Variants in PCSK2 observed in about 807,000 individuals in gnomAD.
The protein encoded by PCSK2 is proprotein convertase subtilisin/kexin type 2, also known as neuroendocrine convertase 2.
PCSK2 carries 14 observed loss-of-function variants against 69.7 expected under a neutral mutation model. The ratio of observed to expected loss-of-function variants is 0.20; its 90% CI spans 0.13 to 0.31. The LOEUF is 0.31. Ranked by LOEUF, PCSK2 falls within the 10% of genes least tolerant of loss-of-function variation. The pLI, the probability that PCSK2 is intolerant of heterozygous loss-of-function variation, is 1.00. For synonymous variants in PCSK2, 307 were observed against 320.7 expected (o/e 0.96, Z 0.46); for missense variants, 544 against 842.5 (o/e 0.65, Z 4.39).
intron 2 of PCSK2, among the ~76,000 whole-genome samples, chr20:17,311,563 A>T (rs1288034945): frequency 1.3e-5 from 2 of 152,128 alleles, no homozygotes; most frequent in Non-Finnish European, 2.9e-5. Context: ...AACATGAAGA[A>T]GTTCTCAGCT....
At chr20:17,351,695 C>A (rs1285022964) in intron 2 of PCSK2, among the ~76,000 whole-genome samples, 1 of 151,954 alleles carries the variant, frequency 6.6e-6, no homozygotes, top group Admixed American at 6.6e-5. Context: ...AGAAACATAC[C>A]TCAAAATAAT....
chr20:17,456,748 T>A (rs777814389), intron 10 of PCSK2, among the ~76,000 whole-genome samples: 1 of 152,216 alleles, frequency 6.6e-6, no homozygotes, highest in East Asian at 1.9e-4. Context: ...TATTTCTTTC[T>A]TCATCAAATT....
chr20:17,466,363 T>TA (rs1300017522), intron 11 of PCSK2, among the ~76,000 whole-genome samples: 1 of 152,234 alleles, frequency 6.6e-6, no homozygotes, highest in Non-Finnish European at 1.5e-5. Context: ...AATGTGTACT[T>TA]ACAGCTTTTC....
At chr20:17,244,857 GC>G (rs1485366116) in intron 1 of PCSK2, among the ~76,000 whole-genome samples, 30 of 152,166 alleles carry the variant, frequency 2.0e-4, no homozygotes, top group Admixed American at 9.8e-4. Flanking sequence ...GTAAGCACTT[GC>G]TTTGAGGAGT....
intron 8 of PCSK2, among the ~76,000 whole-genome samples, chr20:17,452,389 G>C (rs899590397): frequency 6.6e-6 from 1 of 152,164 alleles, no homozygotes; most frequent in Non-Finnish European, 1.5e-5. Context: ...TTCACTTGTC[G>C]ATTCAATCAA....
chr20:17,415,232 A>T (rs1310045909), intron 6 of PCSK2, among the ~76,000 whole-genome samples: 1 of 152,244 alleles, frequency 6.6e-6, no homozygotes, highest in Non-Finnish European at 1.5e-5. Context: ...ATAGGAAAAA[A>T]GGAAGTCAAA....
At chr20:17,428,109 G>A (rs1196062649) in intron 6 of PCSK2, among the ~76,000 whole-genome samples, 3 of 152,158 alleles carry the variant, frequency 2.0e-5, no homozygotes, top group Admixed American at 1.3e-4. Flanking sequence ...TGTTCCTCTG[G>A]AGAGCCCATG....
intron 9 of PCSK2, 69 bp from the exon 10 acceptor site, chr20:17,456,279 G>C: frequency 1.2e-6 from 1 of 800,124 alleles, no homozygotes; most frequent in South Asian, 1.5e-5. Context: ...ATAATCCCCT[G>C]CTCCACATTG....
intron 4 of PCSK2, among the ~76,000 whole-genome samples, chr20:17,363,579 T>C (rs1272609592): frequency 1.3e-5 from 2 of 152,114 alleles, no homozygotes; most frequent in African/African-American, 4.8e-5. Flanking sequence ...ACAAGAGTCA[T>C]CCAGCCCAAG....
upstream of PCSK2, chr20:17,226,292 C>T (rs905059622): frequency 2.6e-5 from 4 of 152,302 alleles, no homozygotes; most frequent in Non-Finnish European, 5.9e-5. Context: ...CTGGGCTTCC[C>T]AGCCGCTTCG....
intron 2 of PCSK2, among the ~76,000 whole-genome samples, chr20:17,277,078 C>G (rs1228944711): frequency 7.2e-5 from 11 of 151,976 alleles, no homozygotes; most frequent in African/African-American, 1.5e-4. Context: ...AGGATACAAA[C>G]AAATGGAAGA....
intron 5 of PCSK2, among the ~76,000 whole-genome samples, chr20:17,370,888 G>T (rs1010948700): frequency 1.3e-5 from 2 of 152,138 alleles, no homozygotes; most frequent in East Asian, 3.9e-4. Context: ...ATGTATCTGG[G>T]GCTGTTCCTC....
chr20:17,450,945 C>A (rs1236842068), intron 8 of PCSK2, among the ~76,000 whole-genome samples: 1 of 152,124 alleles, frequency 6.6e-6, no homozygotes, highest in Non-Finnish European at 1.5e-5. Flanking sequence ...CATCCCATAA[C>A]CAGCTCTCAG....
intron 1 of PCSK2, among the ~76,000 whole-genome samples, chr20:17,231,401 G>A (rs1793812628): frequency 6.6e-6 from 1 of 152,186 alleles, no homozygotes; most frequent in South Asian, 2.1e-4. Flanking sequence ...TGTGTAACCA[G>A]CACCCAAATC....
At chr20:17,262,049 C>A (rs1051066622) in intron 2 of PCSK2, among the ~76,000 whole-genome samples, 4 of 152,204 alleles carry the variant, frequency 2.6e-5, no homozygotes, top group Admixed American at 6.5e-5. Context: ...CTGGCCTGAG[C>A]TTTTCCCATT....
At chr20:17,263,103 T>A in intron 2 of PCSK2, 3 of 984,114 alleles carry the variant, frequency 3.0e-6, no homozygotes, top group Non-Finnish European at 3.6e-6. Context: ...CAAAGAAACC[T>A]CCAAGCTCTG....
chr20:17,268,031 GTGTATATATATATA>G (rs142447517), intron 2 of PCSK2, among the ~76,000 whole-genome samples: 72,542 of 117,940 alleles, frequency 0.62, 19,502 homozygotes, highest in East Asian at 0.69. Context: ...TATATCCAAT[GTGTATATATATATA>G]TATATATATA....
rs536046632 is a variant in PCSK2 at position 17,227,228 on chromosome 20, T to C, written c.-78T>C. On this transcript the variant is annotated 5_prime_UTR_variant, in exon 1 of 12. Coordinates refer to ENST00000262545, the MANE Select transcript of PCSK2 (RefSeq NM_002594.5). ...TTAAAAACTATATATAAGAATTCTT[T>C]ATTTGCACCCTCCCTCCGAGTCCCC... The C allele has an allele frequency of 6.9e-5, 67 of 978,058 alleles. No individual in the cohort carries two copies. The South Asian group carries it at 8.0e-4, about 12-fold the overall frequency. The allele number at this position is 978,058 out of a possible 1,614,324, so 60.6% of individuals were successfully genotyped here.
intron 11 of PCSK2, among the ~76,000 whole-genome samples, chr20:17,480,632 G>A (rs1214272081): frequency 6.6e-6 from 1 of 152,206 alleles, no homozygotes; most frequent in Non-Finnish European, 1.5e-5. Flanking sequence ...CAAGACTTGG[G>A]TGCTGACAGT....
Sources: gnomAD v4.1 joint callset for allele counts (sites outside exome capture counted in the v4.1 genomes callset) on GRCh38, gnomAD v4.1.1 for gene constraint, MANE v1.5 for transcripts, NCBI Gene and HGNC (gene_info 2026-07-23, HGNC 2026-07-21) for gene names.